Variants in RTN4 observed in about 807,000 individuals in gnomAD.
RTN4 encodes reticulon 4, also known as reticulon-4.
A neutral mutation model predicts 90.4 loss-of-function variants in RTN4; 32 were observed. The ratio of observed to expected loss-of-function variants is 0.35; its 90% CI spans 0.27 to 0.48. The LOEUF is 0.48. Among genes scored for constraint, RTN4 ranks in the 20% least tolerant of loss-of-function variants. The pLI is 0.99. For synonymous variants in RTN4, 629 were observed against 552.5 expected (o/e 1.14, Z -1.94); for missense variants, 1,706 against 1,430.2 (o/e 1.19, Z -3.11).
intron 2 of RTN4, among the ~76,000 whole-genome samples, chr2:55,076,807 T>C (rs1668610618): frequency 6.6e-6 from 1 of 152,138 alleles, no homozygotes; most frequent in Non-Finnish European, 1.5e-5. Flanking sequence ...GTTCTCATGA[T>C]AGTGAGTTCT....
chr2:55,064,304 A>C (rs1332462601), intron 2 of RTN4, among the ~76,000 whole-genome samples: 1 of 151,516 alleles, frequency 6.6e-6, no homozygotes, highest in Non-Finnish European at 1.5e-5. Context: ...CAACTACAGC[A>C]CTTTGGCAAC....
At chr2:54,994,337 A>G (rs2104711344) in intron 3 of RTN4, among the ~76,000 whole-genome samples, 1 of 152,362 alleles carries the variant, frequency 6.6e-6, no homozygotes, top group South Asian at 2.1e-4. Context: ...CCAACAAAAT[A>G]CAAGCAAACT....
chr2:55,025,301 C>A lies in RTN4; in HGVS notation c.2798G>T (p.Ser933Ile), dbSNP rs200793021. 1.6e-5 allele frequency: 26 copies of A among 1,613,812 alleles called. No homozygotes were observed. The highest frequency in any genetic ancestry group is 1.9e-5 in the Non-Finnish European group (22 of 1,179,904). The change falls in exon 3 of 9, where the codon AGT becomes ATT. Residue 933 changes from serine (S) to isoleucine (I), a missense_variant. Transcript: ENST00000337526. Reference protein sequence around the residue: ...NIQPKVEEKISFSDDFSKNGS... With the variant: ...NIQPKVEEKIIFSDDFSKNGS... ...ATTTTTAGAAAAGTCATCTGAGAAACTGATTTTCTCTTCAACTTTGGGTTG... is the reference window on the plus strand; with the variant it reads ...ATTTTTAGAAAAGTCATCTGAGAAAATGATTTTCTCTTCAACTTTGGGTTG...
chr2:55,029,065 G>A (rs913744787), intron 1 of RTN4, among the ~76,000 whole-genome samples: 1 of 152,150 alleles, frequency 6.6e-6, no homozygotes, highest in Admixed American at 6.6e-5. Flanking sequence ...TCAGGGTGGG[G>A]CCCTGGGCCA....
chr2:55,072,669 G>A (rs1668537455), intron 2 of RTN4, among the ~76,000 whole-genome samples: 2 of 152,216 alleles, frequency 1.3e-5, no homozygotes, highest in East Asian at 3.9e-4. Context: ...CCATCTTGCT[G>A]TTCTAGATAT....
At chr2:55,125,369 C>T in the RTN4 span, among the ~76,000 whole-genome samples, 9 of 152,162 alleles carry the variant, frequency 5.9e-5, no homozygotes, top group African/African-American at 1.2e-4. Context: ...ATGCATCTGA[C>T]GAAGGTCTAA....
At chr2:55,015,104 T>C (rs928995099) in intron 3 of RTN4, among the ~76,000 whole-genome samples, 5 of 152,212 alleles carry the variant, frequency 3.3e-5, no homozygotes, top group African/African-American at 9.6e-5. Context: ...TAGTCAATTA[T>C]AGATCATTCC....
At chr2:55,043,238 C>G (rs1047130438) in intron 1 of RTN4, among the ~76,000 whole-genome samples, 1 of 152,178 alleles carries the variant, frequency 6.6e-6, no homozygotes, top group East Asian at 1.9e-4. Context: ...TCAGAAGAAC[C>G]TGATCCCTTT....
chr2:55,079,204 G>C (rs1422022453), intron 2 of RTN4, among the ~76,000 whole-genome samples: 1 of 152,198 alleles, frequency 6.6e-6, no homozygotes, highest in African/African-American at 2.4e-5. Context: ...ACCAGTCCCT[G>C]GGGAGATGAT....
At chr2:55,054,830 G>T (rs1014449734), upstream of RTN4, among the ~76,000 whole-genome samples, 2 of 152,104 alleles carry the variant, frequency 1.3e-5, no homozygotes, top group African/African-American at 4.8e-5. Flanking sequence ...AATTAACAGC[G>T]TGCTAAGTTG....
At chr2:55,033,987 G>A (rs1043189676) in intron 1 of RTN4, among the ~76,000 whole-genome samples, 1 of 152,030 alleles carries the variant, frequency 6.6e-6, no homozygotes, top group Admixed American at 6.6e-5. Context: ...CTATCCAACT[G>A]TATTTTTGTA....
chr2:55,039,582 C>T lies in RTN4; in HGVS notation c.556+10163G>A, dbSNP rs181042374. Among the ~76,000 whole-genome samples, 322 of 152,252 alleles carry T rather than the reference C, an allele frequency of 2.1e-3. 1 individual carries two copies. In the Middle Eastern group the frequency reaches 0.034, roughly 16 times the overall value. ...ATCACCTGAGGTCAGGAATTCGAGA[C>T]CAGCCTGCCCAATATGGTGAAACCC... On this transcript the variant is annotated intron_variant, in intron 1 of 8. Coordinates refer to ENST00000337526, the MANE Select transcript of RTN4 (RefSeq NM_020532.5).
chr2:55,016,488 C>T (rs545730789), intron 3 of RTN4, among the ~76,000 whole-genome samples: 124 of 152,246 alleles, frequency 8.1e-4, no homozygotes, highest in African/African-American at 2.9e-3. Flanking sequence ...GAGGCTGAGG[C>T]ACGAGAATCG....
At chr2:54,992,853 A>C (rs2580773) in intron 3 of RTN4, among the ~76,000 whole-genome samples, 50,584 of 151,762 alleles carry the variant, frequency 0.33, 9,504 homozygotes, top group East Asian at 0.64. Flanking sequence ...GTGGATCATG[A>C]GGTCAGGAGA....
chr2:55,008,614 G>T (rs1007731114), intron 3 of RTN4, among the ~76,000 whole-genome samples: 2 of 151,962 alleles, frequency 1.3e-5, no homozygotes, highest in Non-Finnish European at 2.9e-5. Flanking sequence ...TTTTACATTT[G>T]AGTACCTAAA....
intron 3 of RTN4, among the ~76,000 whole-genome samples, chr2:54,999,287 C>T (rs1461791278): frequency 6.6e-6 from 1 of 152,140 alleles, no homozygotes; most frequent in South Asian, 2.1e-4. Flanking sequence ...GTAAGAAGAG[C>T]TGCCTACATT....
chr2:55,071,610 G>C (rs1177441513), intron 2 of RTN4, among the ~76,000 whole-genome samples: 2 of 149,696 alleles, frequency 1.3e-5, no homozygotes, highest in Non-Finnish European at 3.0e-5. Context: ...TTGTGATCTG[G>C]TTCTATGAAA....
chr2:55,044,750 A>G (rs970383297), intron 1 of RTN4, among the ~76,000 whole-genome samples: 1 of 129,246 alleles, frequency 7.7e-6, no homozygotes, highest in Non-Finnish European at 1.6e-5. Flanking sequence ...CCATCACTTC[A>G]TTTTAAAAAG....
upstream of RTN4, among the ~76,000 whole-genome samples, chr2:55,116,625 A>T (rs115501664): frequency 9.1e-4 from 139 of 152,304 alleles, 2 homozygotes; most frequent in African/African-American, 3.1e-3. Context: ...TAGCCCCATG[A>T]GGTATGTACT....
Sources: allele counts gnomAD v4.1 joint callset (sites outside exome capture counted in the v4.1 genomes callset), GRCh38; gene constraint gnomAD v4.1.1; transcripts MANE v1.5; gene names NCBI Gene and HGNC (gene_info 2026-07-23, HGNC 2026-07-21).